LSP1: variants seen among roughly 807,000 people sequenced by gnomAD.
The protein encoded by LSP1 is lymphocyte specific protein 1.
Under a neutral mutation model 49.3 loss-of-function variants are expected in LSP1, and 32 were observed. That is an observed-to-expected ratio of 0.65 (90% CI 0.49 to 0.87). LSP1 has a LOEUF of 0.87. Among genes scored for constraint, LSP1 ranks in the 40% least tolerant of loss-of-function variants. LSP1 has a pLI of 0.00. For missense variants in LSP1, 428 were observed against 442.6 expected, an observed-to-expected ratio of 0.97 and a Z score of 0.30; for synonymous variants, 179 against 178.8, an observed-to-expected ratio of 1.00 and a Z score of -0.01.
chr11:1,865,273 C>A, intron 1 of LSP1: 1 of 984,000 alleles, frequency 1.0e-6, no homozygotes, highest in Non-Finnish European at 1.2e-6. Flanking sequence ...GTAGGTCCCT[C>A]CTGCCCTGGC....
chr11:1,870,772 A>C, intron 1 of LSP1: 2 of 990,552 alleles, frequency 2.0e-6, no homozygotes, highest in Non-Finnish European at 2.4e-6. Context: ...ACATCTGGGC[A>C]TGGCTAGCTG....
intron 1 of LSP1, among the ~76,000 whole-genome samples, chr11:1,872,850 C>A (rs1425657186): frequency 6.6e-6 from 1 of 152,060 alleles, no homozygotes. Flanking sequence ...CACTCTGGGG[C>A]GAAGTTGATG....
intron 1 of LSP1, among the ~76,000 whole-genome samples, chr11:1,872,276 C>T (rs113563848): frequency 0.1 from 4,231 of 41,696 alleles, 138 homozygotes; most frequent in Middle Eastern, 0.15. Context: ...GGGGTCTGTC[C>T]GGCTGGCGTG....
chr11:1,877,041 C>T (rs1306033349), intron 1 of LSP1, among the ~76,000 whole-genome samples: 3 of 152,208 alleles, frequency 2.0e-5, no homozygotes, highest in Admixed American at 6.5e-5. Flanking sequence ...GCAGGAACAC[C>T]AAATCCCTCG....
intron 1 of LSP1, among the ~76,000 whole-genome samples, chr11:1,856,211 C>T (rs1847485885): frequency 6.6e-6 from 1 of 152,224 alleles, no homozygotes. Flanking sequence ...TGACCCTACC[C>T]CCAGTCTGTT....
chr11:1,889,948 T>G, intron 10 of LSP1: 1 of 626,486 alleles, frequency 1.6e-6, no homozygotes, highest in Non-Finnish European at 2.9e-6. Context: ...GGACTTGGGG[T>G]GGCATCTCCA....
rs769222506 is a variant in LSP1 at position 1,869,739 on chromosome 11, G to A, written c.54-10348G>A. On this transcript the variant is annotated intron_variant, in intron 1 of 10. Coordinates refer to ENST00000311604, the MANE Select transcript of LSP1 (RefSeq NM_002339.3). ...AACGCAGTGAGGCCAGGCGAGGGCT[G>A]GCGAGCTTGCCAAGGAGAGGGCGGG... 12 of 470,744 alleles carry A rather than the reference G, an allele frequency of 2.5e-5. No homozygotes were observed. The East Asian group carries it at 5.6e-4, about 22-fold the overall frequency. The allele number at this position is 470,744 out of a possible 1,614,324, so 29.2% of individuals were successfully genotyped here.
intron 3 of LSP1, among the ~76,000 whole-genome samples, chr11:1,881,859 T>G (rs1347778965): frequency 6.6e-6 from 1 of 151,980 alleles, no homozygotes; most frequent in Non-Finnish European, 1.5e-5. Flanking sequence ...CGAGACAGCA[T>G]GGTGGCCGGC....
intron 10 of LSP1, chr11:1,890,399 G>A: frequency 1.4e-6 from 1 of 717,058 alleles, no homozygotes; most frequent in South Asian, 1.5e-5. Flanking sequence ...GGGAGGTGCG[G>A]AAGGCCCTGG....
chr11:1,868,091 G>A (rs950551613), intron 1 of LSP1, among the ~76,000 whole-genome samples: 10 of 152,202 alleles, frequency 6.6e-5, no homozygotes, highest in Non-Finnish European at 1.2e-4. Flanking sequence ...GGGCCAGCTC[G>A]GGCAAGGCAA....
intron 1 of LSP1, among the ~76,000 whole-genome samples, chr11:1,874,091 GCA>G (rs1268161486): frequency 9.8e-5 from 14 of 142,262 alleles, no homozygotes; most frequent in African/African-American, 3.2e-4. Flanking sequence ...GGCCGGCAGA[GCA>G]GGGAGGCCGG....
chr11:1,887,895 G>T (rs1458106700), intron 10 of LSP1, among the ~76,000 whole-genome samples: 1 of 152,190 alleles, frequency 6.6e-6, no homozygotes, highest in African/African-American at 2.4e-5. Context: ...GGGGCAGCCT[G>T]GCCACCACAG....
At chr11:1,866,450 G>A (rs1847791478) in intron 1 of LSP1, 1 of 1,455,864 alleles carries the variant, frequency 6.9e-7, no homozygotes, top group Middle Eastern at 1.8e-4. Context: ...GCTCCCACTT[G>A]TTGGGTCCGT....
chr11:1,876,605 C>A, intron 1 of LSP1: 1 of 985,526 alleles, frequency 1.0e-6, no homozygotes, highest in Non-Finnish European at 1.2e-6. Context: ...GGGACCGAGC[C>A]GGACACCCAT....
intron 1 of LSP1, among the ~76,000 whole-genome samples, chr11:1,874,806 CA>C (rs977215859): frequency 2.6e-5 from 4 of 152,078 alleles, no homozygotes; most frequent in Admixed American, 6.5e-5. Context: ...GGGGGTCCCT[CA>C]AGAGGTCCCC....
intron 1 of LSP1, among the ~76,000 whole-genome samples, chr11:1,873,115 C>G (rs1848113786): frequency 1.3e-5 from 2 of 150,800 alleles, no homozygotes; most frequent in Non-Finnish European, 3.0e-5. Context: ...GGGGCAGAGA[C>G]AAGCCTCAGG....
chr11:1,875,613 C>T (rs11600133), intron 1 of LSP1, among the ~76,000 whole-genome samples: 20,160 of 152,290 alleles, frequency 0.13, 1,781 homozygotes, highest in Middle Eastern at 0.25. Flanking sequence ...CTGCTCACTG[C>T]GGCGTCTCCC....
chr11:1,861,565 GGATA>G (rs778330840), intron 1 of LSP1, among the ~76,000 whole-genome samples: 16 of 148,388 alleles, frequency 1.1e-4, no homozygotes, highest in Non-Finnish European at 1.9e-4. Context: ...GATGGATAAT[GGATA>G]GATAAATAGA....
At chr11:1,881,338 T>A in intron 2 of LSP1, 94 bp from the exon 3 acceptor site, 1 of 1,258,106 alleles carries the variant, frequency 7.9e-7, no homozygotes, top group Non-Finnish European at 1.1e-6. Context: ...ACACTTGGAG[T>A]CCAGGGCCTG....
Sources: gnomAD v4.1 joint callset for allele counts (sites outside exome capture counted in the v4.1 genomes callset) on GRCh38, gnomAD v4.1.1 for gene constraint, MANE v1.5 for transcripts, NCBI Gene and HGNC (gene_info 2026-07-23, HGNC 2026-07-21) for gene names.